Variants in GALNTL5 observed in about 807,000 individuals in gnomAD.
The protein encoded by GALNTL5 is inactive polypeptide N-acetylgalactosaminyltransferase-like protein 5.
Under a neutral mutation model 51.0 loss-of-function variants are expected in GALNTL5, and 44 were observed. That is an observed-to-expected ratio of 0.86 (90% confidence interval 0.68 to 1.11). The LOEUF (loss-of-function observed/expected upper bound fraction) is 1.11. GALNTL5 is among the 50% of genes least tolerant of loss of function. The pLI, the probability that GALNTL5 is intolerant of heterozygous loss-of-function variation, is 0.00. For missense variants in GALNTL5, 528 were observed against 531.8 expected (o/e 0.99, Z 0.07); for synonymous variants, 192 against 182.8 (o/e 1.05, Z -0.41).
intron 3 of GALNTL5, among the ~76,000 whole-genome samples, chr7:151,971,443 T>G (rs567797237): frequency 6.6e-5 from 10 of 152,288 alleles, no homozygotes; most frequent in African/African-American, 2.2e-4. Flanking sequence ...TTCAAAAAAA[T>G]TGTTCTTTCA....
chr7:151,991,972 ATAT>A (rs1476725989), intron 5 of GALNTL5, among the ~76,000 whole-genome samples: 2 of 152,054 alleles, frequency 1.3e-5, no homozygotes, highest in Non-Finnish European at 2.9e-5. Flanking sequence ...TGCTCTATAG[ATAT>A]TATGTGCAAA....
At chr7:151,964,651 G>A (rs78798960) in intron 1 of GALNTL5, among the ~76,000 whole-genome samples, 4,397 of 152,168 alleles carry the variant, frequency 0.029, 84 homozygotes, top group Non-Finnish European at 0.032. Context: ...ACCCAGCCTC[G>A]GGTATCTTCA....
At chr7:151,998,589 C>T (rs990113261) in intron 5 of GALNTL5, among the ~76,000 whole-genome samples, 24 of 151,972 alleles carry the variant, frequency 1.6e-4, no homozygotes, top group African/African-American at 4.6e-4. Context: ...CTGGCCAACA[C>T]GGTGAAACCC....
At chr7:152,010,640 C>T (rs1005914751) in intron 7 of GALNTL5, among the ~76,000 whole-genome samples, 9 of 151,876 alleles carry the variant, frequency 5.9e-5, no homozygotes, top group Middle Eastern at 6.8e-3. Flanking sequence ...TGGTGGTACA[C>T]GTCTGTAATC....
In GALNTL5 at chr7:151,981,681, C is replaced by CTT. The variant is rs760011757; in HGVS notation, c.369-1290_369-1289dup. On this transcript the variant is annotated intron_variant, in intron 3 of 8. Transcript: ENST00000392800. ...CCCTCCCTCCCCCTCTTCTTTCTTT[C>CTT]TTTTTTTTTTTTTTTTGGATGCAGT... is the stretch of plus-strand genomic sequence containing the variant. Among the ~76,000 whole-genome samples the CTT allele has an allele frequency of 1.2e-4, 8 of 65,452 alleles. No individual in the cohort carries two copies. The East Asian group carries it at 1.4e-3, about 12-fold the overall frequency. The allele number at this position is 65,452 out of a possible 152,430, so 42.9% of individuals were successfully genotyped here.
At chr7:152,000,152 A>G (rs1331367995) in intron 5 of GALNTL5, among the ~76,000 whole-genome samples, 1 of 152,234 alleles carries the variant, frequency 6.6e-6, no homozygotes, top group Non-Finnish European at 1.5e-5. Context: ...CCAGCTGTAG[A>G]ACAAAGGACA....
intron 3 of GALNTL5, among the ~76,000 whole-genome samples, chr7:151,981,627 TTC>T: frequency 7.2e-6 from 1 of 137,994 alleles, no homozygotes; most frequent in African/African-American, 2.7e-5. Context: ...CCTTCCTTCC[TTC>T]CTCCCTTTCT....
chr7:152,014,012 C>T (rs1278751074), intron 7 of GALNTL5, among the ~76,000 whole-genome samples: 1 of 152,174 alleles, frequency 6.6e-6, no homozygotes, highest in Non-Finnish European at 1.5e-5. Flanking sequence ...TTGTTTCTTG[C>T]CTACATCCAG....
chr7:152,017,038 CA>C (rs201395203), intron 8 of GALNTL5, among the ~76,000 whole-genome samples: 145 of 116,576 alleles, frequency 1.2e-3, no homozygotes, highest in East Asian at 2.1e-3. Flanking sequence ...AGCTCCATCT[CA>C]AAAAAAAAAA....
At chr7:151,981,854 T>C (rs1586823441) in intron 3 of GALNTL5, among the ~76,000 whole-genome samples, 1 of 151,004 alleles carries the variant, frequency 6.6e-6, no homozygotes, top group East Asian at 2.0e-4. Context: ...TGCCATGTTG[T>C]CCAGGCTGGT....
At chr7:151,976,521 G>T (rs1174223200) in intron 3 of GALNTL5, among the ~76,000 whole-genome samples, 1 of 151,778 alleles carries the variant, frequency 6.6e-6, no homozygotes, top group Non-Finnish European at 1.5e-5. Context: ...TCCTTAAAGG[G>T]GAAGTGAGTT....
Position 151,987,268 on chromosome 7 carries a change from T to G in GALNTL5, c.645T>G (p.Ala215=). The G allele has an allele frequency of 6.3e-7, 1 of 1,577,978 alleles. No homozygotes were observed. Among genetic ancestry groups the G allele is most frequent in the Non-Finnish European group, 8.6e-7 (1 of 1,168,962 alleles). Residue 215 remains alanine, a synonymous_variant, in exon 5 of 9, where the codon GCT becomes GCG. Coordinates refer to ENST00000392800, the MANE Select transcript of GALNTL5 (RefSeq NM_145292.4). ...TGATTCGAGCAAGGCTGATTGGAGC[T>G]TCTCATGCTTCAGGTAGGAACATTC... ...EGLIRARLIG[A]SHASGDVLVF... is the part of the protein sequence containing the mutation.
intron 1 of GALNTL5, among the ~76,000 whole-genome samples, chr7:151,957,085 C>G (rs1049715849): frequency 1.4e-5 from 2 of 147,184 alleles, no homozygotes; most frequent in African/African-American, 5.0e-5. Flanking sequence ...GTGGCAGGAC[C>G]ATGTGAGTCC....
intron 2 of GALNTL5, among the ~76,000 whole-genome samples, chr7:151,970,282 T>G (rs2081118608): frequency 6.6e-6 from 1 of 152,196 alleles, no homozygotes; most frequent in African/African-American, 2.4e-5. Flanking sequence ...AAACCTATAC[T>G]AAGCCACTTA....
At chr7:152,011,260 G>T (rs2081734693) in intron 7 of GALNTL5, among the ~76,000 whole-genome samples, 1 of 152,154 alleles carries the variant, frequency 6.6e-6, no homozygotes, top group South Asian at 2.1e-4. Context: ...TTTTTTTTCA[G>T]TTGCCCTGAA....
intron 5 of GALNTL5, among the ~76,000 whole-genome samples, chr7:151,990,251 C>T (rs1005697821): frequency 6.6e-6 from 1 of 151,848 alleles, no homozygotes; most frequent in Non-Finnish European, 1.5e-5. Context: ...ACCATATTGG[C>T]CAGGCTAGTC....
chr7:151,999,337 T>A (rs529703589), intron 5 of GALNTL5, among the ~76,000 whole-genome samples: 1 of 152,316 alleles, frequency 6.6e-6, no homozygotes, highest in East Asian at 1.9e-4. Flanking sequence ...ACCATGCACA[T>A]ATATACATTT....
At chr7:151,982,764 C>A in intron 3 of GALNTL5, 3 of 866,296 alleles carry the variant, frequency 3.5e-6, no homozygotes, top group Middle Eastern at 2.6e-4. Flanking sequence ...GCAATTATTA[C>A]TGACATTAAG....
At chr7:151,986,941 G>T (rs1186042816) in intron 4 of GALNTL5, among the ~76,000 whole-genome samples, 1 of 151,994 alleles carries the variant, frequency 6.6e-6, no homozygotes, top group East Asian at 1.9e-4. Context: ...TGGCCAGGCT[G>T]GTCTCGAACT....
Sources: gnomAD v4.1 joint callset for allele counts (sites outside exome capture counted in the v4.1 genomes callset) on GRCh38, gnomAD v4.1.1 for gene constraint, MANE v1.5 for transcripts, NCBI Gene and HGNC (gene_info 2026-07-23, HGNC 2026-07-21) for gene names.